C8orf82: variants seen among roughly 807,000 people sequenced by gnomAD.
C8orf82 encodes the protein UPF0598 protein C8orf82.
A neutral mutation model predicts 15.0 loss-of-function variants in C8orf82; 24 were observed. The ratio of observed to expected loss-of-function variants is 1.60; its 90% CI spans 1.16 to 2.24. The LOEUF is 2.24. Ranked by LOEUF, C8orf82 falls within the 30% of genes most tolerant of loss-of-function variation. The pLI, the probability that C8orf82 is intolerant of heterozygous loss-of-function variation, is 0.00. For synonymous variants in C8orf82, 205 were observed against 152.2 expected (o/e 1.35, Z -2.55); for missense variants, 388 against 317.4 (o/e 1.22, Z -1.69).
At position 144,528,945 on chromosome 8, in the gene C8orf82, G is replaced by C; in HGVS notation, c.-29C>G. ...CCTCCCGCGCCGGAAGCGACCAGCA[G>C]GTCACGCCGGGGGCGGTGCTGCGCG... On this transcript the variant is annotated 5_prime_UTR_variant, in exon 1 of 3. Transcript: ENST00000524821. 1 of 1,493,478 alleles carries C rather than the reference G, an allele frequency of 6.7e-7. No individual in the cohort carries two copies. Among genetic ancestry groups the C allele is most frequent in the Non-Finnish European group, 8.9e-7 (1 of 1,125,820 alleles). 92.5% of individuals were successfully genotyped at this position (1,493,478 alleles called of 1,614,324 possible).
At chr8:144,528,568 C>A in intron 1 of C8orf82, 193 bp downstream of exon 1, 1 of 1,267,672 alleles carries the variant, frequency 7.9e-7, no homozygotes, top group Non-Finnish European at 1.0e-6. Flanking sequence ...CTTTCCAGCG[C>A]GCTCTCCTCC....
rs1466378872 is a variant in C8orf82 at position 144,527,719 on chromosome 8, A to C, written c.274T>G (p.Phe92Val). Residue 92 changes from phenylalanine to valine, a missense_variant, in exon 3 of 3, where the codon TTC becomes GTC. Coordinates refer to ENST00000524821, the MANE Select transcript of C8orf82 (RefSeq NM_001001795.2). ...CTGCCGCAGGGCGAGAGGAAGGGGA[A>C]AGCGGCCTCGTAGCGCCCGCTGCGG... ...PNRSGRYEAA[F>V]PFLSPCGRER... The C allele has an allele frequency of 1.9e-6, 3 of 1,591,348 alleles. No individual in the cohort carries two copies. The highest frequency in any genetic ancestry group is 2.6e-6 in the Non-Finnish European group (3 of 1,176,190).
intron 1 of C8orf82, 184 bp downstream of exon 1, chr8:144,528,577 C>T: frequency 1.6e-6 from 2 of 1,256,400 alleles, no homozygotes; most frequent in Non-Finnish European, 2.1e-6. Flanking sequence ...GCGCTCTCCT[C>T]CAGCTCTGAG....
Position 144,528,778 on chromosome 8 carries a change from C to T in C8orf82, c.139G>A (p.Val47Met), listed in dbSNP as rs776850051. 1.4e-6 allele frequency: 2 copies of T among 1,425,110 alleles called. No individual in the cohort carries two copies. The highest frequency in any genetic ancestry group is 1.8e-6 in the Non-Finnish European group (2 of 1,083,862). The allele number at this position is 1,425,110 out of a possible 1,614,324, so 88.3% of individuals were successfully genotyped here. A position where few individuals can be genotyped will look rare whatever the true frequency, so the allele number is the denominator to read the frequency against. Residue 47 changes from valine to methionine, a missense_variant, in exon 1 of 3, where the codon GTG (valine) becomes ATG (methionine). Coordinates refer to ENST00000524821, the MANE Select transcript of C8orf82 (RefSeq NM_001001795.2). ...CCGCCCACCTGGCCCTGGTGGTCCA[C>T]GTAGTAGAAATACTCGCGGGTCCGC... Reference protein sequence around the residue: ...EPRTREYFYYVDHQGQLFLDD... With the variant: ...EPRTREYFYYMDHQGQLFLDD...
In C8orf82 at chr8:144,526,832, G is replaced by C. The variant is rs934585470; in HGVS notation, c.*510C>G. ...TTCGGCCGGGCTCAGGGAGGGCGTG[G>C]CCTCCGCGTTCCCCATCCCCCTCCA... On this transcript the variant is annotated 3_prime_UTR_variant, in exon 3 of 3. Coordinates refer to ENST00000524821, the MANE Select transcript of C8orf82 (RefSeq NM_001001795.2). 2.6e-5 allele frequency: 4 copies of C among 152,182 alleles called. No homozygotes were observed. The highest frequency in any genetic ancestry group is 7.2e-5 in the African/African-American group (3 of 41,442). 9.4% of individuals were successfully genotyped at this position (152,182 alleles called of 1,614,324 possible).
chr8:144,529,101 G>A lies in C8orf82; in HGVS notation c.-185C>T, dbSNP rs1320325418. 5.6e-6 allele frequency: 3 copies of A among 532,514 alleles called. No homozygotes were observed. The highest frequency in any genetic ancestry group is 9.0e-6 in the Non-Finnish European group (3 of 331,654). The allele number at this position is 532,514 out of a possible 1,614,324, so 33.0% of individuals were successfully genotyped here. A position where few individuals can be genotyped will look rare whatever the true frequency, so the allele number is the denominator to read the frequency against. ...CCCGCCCTGGCCTTCCGAGAGGCGT[G>A]TGCCGGTGACGCCCCTTCCGGTCCG... On this transcript the variant is annotated 5_prime_UTR_variant, in exon 1 of 3. Transcript: ENST00000524821.
In C8orf82 at chr8:144,525,775, G is replaced by C. The variant is rs1470618379; in HGVS notation, c.*1567C>G. On this transcript the variant is annotated 3_prime_UTR_variant, in exon 3 of 3. Coordinates refer to ENST00000524821, the MANE Select transcript of C8orf82 (RefSeq NM_001001795.2). ...CCCAGAAAGGTGTCCTGTCTTTGGG[G>C]ATAGATGGGGCCCTGGGAAAGCTGG... is the stretch of plus-strand genomic sequence containing the variant. The C allele has an allele frequency of 6.6e-6, 1 of 152,162 alleles. No homozygotes were observed. The highest frequency in any genetic ancestry group is 1.5e-5 in the Non-Finnish European group (1 of 68,036). 9.4% of individuals were successfully genotyped at this position (152,162 alleles called of 1,614,324 possible).
rs1464895620 is a variant in C8orf82, at chr8:144,528,750, C to T, written c.156+11G>A. 7 of 1,370,090 alleles carry T rather than the reference C, an allele frequency of 5.1e-6. No homozygotes were observed. The highest frequency in any genetic ancestry group is 1.5e-5 in the African/African-American group (1 of 64,894). 84.9% of individuals were successfully genotyped at this position (1,370,090 alleles called of 1,614,324 possible). A position where few individuals can be genotyped will look rare whatever the true frequency, so the allele number is the denominator to read the frequency against. Reference sequence around the variant, plus strand: ...CCCCGCCTCTCGAGCAACGGCCCTGCCCCCGCCCACCTGGCCCTGGTGGTC... The same window carrying T: ...CCCCGCCTCTCGAGCAACGGCCCTGTCCCCGCCCACCTGGCCCTGGTGGTC... On this transcript the variant is annotated intron_variant, in intron 1 of 2. Coordinates refer to ENST00000524821, the MANE Select transcript of C8orf82 (RefSeq NM_001001795.2).
chr8:144,527,393 G>C lies in C8orf82; in HGVS notation c.600C>G (p.Leu200=). The C allele has an allele frequency of 2.4e-6, 3 of 1,242,064 alleles. No homozygotes were observed. The South Asian group carries it at 6.7e-5, about 28-fold the overall frequency. The allele number at this position is 1,242,064 out of a possible 1,614,324, so 76.9% of individuals were successfully genotyped here. Residue 200 remains leucine (L), a synonymous_variant, in exon 3 of 3, where the codon CTC becomes CTG. Transcript: ENST00000524821. The part of the protein sequence containing the change: ...PSHVRWQGRR[L]ALTMDLAPLL... ...GCGGGGCCAGGTCCATGGTGAGGGC[G>C]AGGCGGCGGCCCTGCCAGCGCACGT...
intron 1 of C8orf82, chr8:144,528,498 C>A (rs1217781705): frequency 6.9e-7 from 1 of 1,441,434 alleles, no homozygotes; most frequent in Non-Finnish European, 9.2e-7. Context: ...CGAAGCTGCA[C>A]AACGCAGCAG....
Position 144,527,496 on chromosome 8 carries a change from C to T in C8orf82, c.497G>A (p.Gly166Asp), listed in dbSNP as rs1249538781. The T allele has an allele frequency of 7.8e-7, 1 of 1,277,698 alleles. No homozygotes were observed. The highest frequency in any genetic ancestry group is 9.9e-7 in the Non-Finnish European group (1 of 1,012,072). The allele number at this position is 1,277,698 out of a possible 1,614,324, so 79.1% of individuals were successfully genotyped here. A position where few individuals can be genotyped will look rare whatever the true frequency, so the allele number is the denominator to read the frequency against. ...HPAPERAGGV[G>D]LVRSALAFEL... Reference sequence around the variant, plus strand: ...GAAGGCCAGGGCGGAGCGCACCAGGCCCACGCCGCCCGCACGCTCCGGCGC... The same window carrying T: ...GAAGGCCAGGGCGGAGCGCACCAGGTCCACGCCGCCCGCACGCTCCGGCGC... The change falls in exon 3 of 3, where the codon GGC (glycine) becomes GAC (aspartate). Residue 166 changes from glycine (G) to aspartate (D), a missense_variant. Coordinates refer to ENST00000524821, the MANE Select transcript of C8orf82 (RefSeq NM_001001795.2).
intron 2 of C8orf82, 67 bp from the exon 3 acceptor site, chr8:144,527,854 C>G (rs1055470275): frequency 6.4e-7 from 1 of 1,562,594 alleles, no homozygotes; most frequent in Non-Finnish European, 8.7e-7. Flanking sequence ...CAGGACCATA[C>G]CGAGGGCAGG....
intron 1 of C8orf82, 187 bp downstream of exon 1, chr8:144,528,574 C>G: frequency 7.9e-7 from 1 of 1,259,580 alleles, no homozygotes; most frequent in Non-Finnish European, 1.0e-6. Flanking sequence ...AGCGCGCTCT[C>G]CTCCAGCTCT....
At position 144,528,046 on chromosome 8, in the gene C8orf82, C is replaced by A. The variant is rs746916680; in HGVS notation, c.183G>T (p.Lys61Asn). 3 of 1,612,820 alleles carry A rather than the reference C, an allele frequency of 1.9e-6. No homozygotes were observed. The highest frequency in any genetic ancestry group is 2.7e-5 in the African/African-American group (2 of 75,038). ...GQLFLDDSKMKNFITCFKDPQ... is the reference protein window; with the variant it reads ...GQLFLDDSKMNNFITCFKDPQ... ...TACCTTTGAAGCAGGTGATGAAATT[C>A]TTCATTTTGGAATCATCCAGGAAAA... is the stretch of plus-strand genomic sequence containing the variant. The change falls in exon 2 of 3, where the codon AAG becomes AAT. Residue 61 changes from lysine (K) to asparagine (N), a missense_variant. Transcript: ENST00000524821.
chr8:144,527,353 G>A lies in C8orf82; in HGVS notation c.640C>T (p.Arg214Trp), dbSNP rs1816405444. 6 of 1,207,706 alleles carry A rather than the reference G, an allele frequency of 5.0e-6. No individual in the cohort carries two copies. The highest frequency in any genetic ancestry group is 4.0e-5 in the East Asian group (1 of 25,204). 74.8% of individuals were successfully genotyped at this position (1,207,706 alleles called of 1,614,324 possible). ...TCCCTTGGCCCCGCTCAGGGCGACCGAGCCGCGAGCAGCAGCGGGGCCAGG... is the reference window on the plus strand; with the variant it reads ...TCCCTTGGCCCCGCTCAGGGCGACCAAGCCGCGAGCAGCAGCGGGGCCAGG... ...MDLAPLLLAARSP is the reference protein window; with the variant it reads ...MDLAPLLLAAWSP The change falls in exon 3 of 3, where the codon CGG becomes TGG. Residue 214 changes from arginine (R) to tryptophan (W), a missense_variant. Physicochemically the swap from Arg to Trp is moderately radical, Grantham distance 101. Transcript: ENST00000524821.
In C8orf82 at chr8:144,528,894, A is replaced by G. The variant is rs1816513807; in HGVS notation, c.23T>C (p.Leu8Pro). Residue 8 changes from leucine (L) to proline (P), a missense_variant, in exon 1 of 3, where the codon CTC (leucine) becomes CCC (proline). By Grantham distance (98) the Leu-to-Pro change is moderately conservative. Transcript: ENST00000524821. MWPPCGT[L>P]RTLALARSRG... ...CGACCGCGCCAAGGCCAGGGTCCGG[A>G]GCGTCCCGCAAGGCGGCCACATTCT... The G allele has an allele frequency of 6.6e-7, 1 of 1,513,586 alleles. No individual in the cohort carries two copies. Among genetic ancestry groups the G allele is most frequent in the Non-Finnish European group, 8.8e-7 (1 of 1,133,006 alleles). 93.8% of individuals were successfully genotyped at this position (1,513,586 alleles called of 1,614,324 possible).
rs199799273 is a variant in C8orf82, at chr8:144,528,013, C to T, written c.205+11G>A. On this transcript the variant is annotated intron_variant, in intron 2 of 2. Transcript: ENST00000524821. ...AGAAAGAAGGGGCTGGAGAGGGAGG[C>T]ACAGCATTACCTTTGAAGCAGGTGA... The T allele has an allele frequency of 6.2e-7, 1 of 1,612,078 alleles. No individual in the cohort carries two copies. Among genetic ancestry groups the T allele is most frequent in the African/African-American group, 1.3e-5 (1 of 75,034 alleles).
rs774506182 is a variant in C8orf82 at position 144,528,075 on chromosome 8, G to A, written c.157-3C>T. ...ATTTTGGAATCATCCAGGAAAAGCT[G>A]CAGATAGAGGGCCAGGCCGTGATAA... On this transcript the variant is annotated splice_polypyrimidine_tract_variant and splice_region_variant and intron_variant, in intron 1 of 2. Coordinates refer to ENST00000524821, the MANE Select transcript of C8orf82 (RefSeq NM_001001795.2). The A allele has an allele frequency of 9.9e-6, 16 of 1,612,128 alleles. No individual in the cohort carries two copies. Among genetic ancestry groups the A allele is most frequent in the South Asian group, 6.6e-5 (6 of 91,062 alleles).
Position 144,527,306 on chromosome 8 carries a change from G to A in C8orf82, c.*36C>T. 4.3e-6 allele frequency: 5 copies of A among 1,152,398 alleles called. 1 individual carries two copies. The highest frequency in any genetic ancestry group is 7.8e-5 in the South Asian group (2 of 25,558). 71.4% of individuals were successfully genotyped at this position (1,152,398 alleles called of 1,614,324 possible). On this transcript the variant is annotated 3_prime_UTR_variant, in exon 3 of 3. Transcript: ENST00000524821. ...GGAGTCCCGGGGGAGCGGGGCGAGA[G>A]GCGCCCGCGGCCTCCCGCCTTTCCC...
Sources: gnomAD v4.1 joint callset for allele counts on GRCh38, gnomAD v4.1.1 for gene constraint, MANE v1.5 for transcripts, NCBI Gene and HGNC (gene_info 2026-07-23, HGNC 2026-07-21) for gene names.